Variants in PTPRN2 observed in about 807,000 individuals in gnomAD.
PTPRN2 encodes the protein protein tyrosine phosphatase receptor type N2.
PTPRN2 carries 74 observed loss-of-function variants against 118.8 expected under a neutral mutation model. The ratio of observed to expected loss-of-function variants is 0.62; its 90% CI spans 0.52 to 0.76. The LOEUF (loss-of-function observed/expected upper bound fraction) is 0.76, where lower values mean the gene tolerates loss of function less well. PTPRN2 is among the 30% of genes least tolerant of loss of function. PTPRN2 has a pLI of 0.00. For missense variants in PTPRN2, 1,481 were observed against 1,394.4 expected, an observed-to-expected ratio of 1.06 and a Z score of -0.99; for synonymous variants, 641 against 608.0, an observed-to-expected ratio of 1.05 and a Z score of -0.80.
At chr7:158,121,498 C>T (rs989756865) in intron 9 of PTPRN2, among the ~76,000 whole-genome samples, 9 of 152,220 alleles carry the variant, frequency 5.9e-5, no homozygotes, top group Admixed American at 2.6e-4. Context: ...CTGCCCCCTG[C>T]GGAGCATAAG....
chr7:157,916,751 ACGCACCCCGGCCAC>A (rs1798421271), intron 11 of PTPRN2, among the ~76,000 whole-genome samples: 1 of 150,184 alleles, frequency 6.7e-6, no homozygotes, highest in African/African-American at 2.5e-5. Context: ...GGGGCTGGCC[ACGCACCCCGGCCAC>A]TCCGGGACAC....
intron 2 of PTPRN2, among the ~76,000 whole-genome samples, chr7:158,321,935 C>T (rs34941262): frequency 6.6e-6 from 1 of 152,064 alleles, no homozygotes; most frequent in Non-Finnish European, 1.5e-5. Context: ...ATCATAAACC[C>T]TTCCGGCAAA....
chr7:157,798,246 G>A (rs557688189), intron 12 of PTPRN2, among the ~76,000 whole-genome samples: 1 of 152,260 alleles, frequency 6.6e-6, no homozygotes, highest in East Asian at 1.9e-4. Context: ...GTGACAGAGC[G>A]AGACTCAGTC....
intron 12 of PTPRN2, among the ~76,000 whole-genome samples, chr7:157,720,890 G>C (rs889557823): frequency 1.3e-5 from 2 of 152,184 alleles, no homozygotes; most frequent in Admixed American, 6.5e-5. Context: ...AACACGGGAC[G>C]CAGGAGTGTT....
At chr7:157,593,619 G>T (rs1036021809) in intron 17 of PTPRN2, among the ~76,000 whole-genome samples, 3 of 152,230 alleles carry the variant, frequency 2.0e-5, no homozygotes, top group Admixed American at 6.5e-5. Context: ...GCCGGGGTGA[G>T]CGTGCACAGC....
At chr7:157,982,272 A>T (rs1386702316) in intron 11 of PTPRN2, among the ~76,000 whole-genome samples, 1 of 52,424 alleles carries the variant, frequency 1.9e-5, no homozygotes, top group Non-Finnish European at 4.0e-5. Context: ...CATAGAGCCA[A>T]GGAGGGGAAT....
chr7:157,715,429 G>A (rs909605023), intron 12 of PTPRN2, among the ~76,000 whole-genome samples: 1 of 152,366 alleles, frequency 6.6e-6, no homozygotes, highest in East Asian at 1.9e-4. Flanking sequence ...AGGGCATGAG[G>A]AGGCTGCTGT....
At chr7:158,344,603 C>T (rs903248973) in intron 2 of PTPRN2, among the ~76,000 whole-genome samples, 38 of 152,112 alleles carry the variant, frequency 2.5e-4, no homozygotes, top group African/African-American at 9.2e-4. Context: ...ACTTTTCTAG[C>T]CCAAGAATGA....
rs1045931193 is a variant in PTPRN2 at position 157,539,188 on chromosome 7, G to A, written c.*1526C>T. The stretch of plus-strand genomic sequence containing the variant: ...TCCTATATTCAGATAAATTCATTTC[G>A]ATTAATTAAATTCCAGATAGAGAGA... On this transcript the variant is annotated 3_prime_UTR_variant, in exon 23 of 23. Transcript: ENST00000389418. 1 of 152,158 alleles carries A rather than the reference G, an allele frequency of 6.6e-6. No individual in the cohort carries two copies. Among genetic ancestry groups the A allele is most frequent in the African/African-American group, 2.4e-5 (1 of 41,418 alleles). The allele number at this position is 152,158 out of a possible 1,614,324, so 9.4% of individuals were successfully genotyped here. A position where few individuals can be genotyped will look rare whatever the true frequency, so the allele number is the denominator to read the frequency against.
intron 6 of PTPRN2, among the ~76,000 whole-genome samples, chr7:158,140,497 T>G (rs927061278): frequency 1.3e-5 from 2 of 151,810 alleles, no homozygotes; most frequent in Admixed American, 1.3e-4. Context: ...GGAGGCCACA[T>G]CCACACCAGC....
intron 11 of PTPRN2, among the ~76,000 whole-genome samples, chr7:157,911,979 A>G (rs1798130516): frequency 2.0e-5 from 3 of 152,100 alleles, no homozygotes; most frequent in African/African-American, 7.3e-5. Flanking sequence ...TATTTTTCCA[A>G]TCACTTACCC....
chr7:158,351,525 T>C (rs1480672329), intron 2 of PTPRN2, among the ~76,000 whole-genome samples: 1 of 152,184 alleles, frequency 6.6e-6, no homozygotes, highest in Non-Finnish European at 1.5e-5. Flanking sequence ...TTTTAAAGAA[T>C]GCTAAAACAT....
intron 3 of PTPRN2, among the ~76,000 whole-genome samples, chr7:158,253,723 C>G (rs1796839228): frequency 6.6e-6 from 1 of 152,222 alleles, no homozygotes; most frequent in Admixed American, 6.5e-5. Flanking sequence ...TAAAAATACT[C>G]TAATGGTGAG....
In PTPRN2 at chr7:158,534,803, C is replaced by T. The variant is rs538083433; in HGVS notation, c.113-45018G>A. The stretch of plus-strand genomic sequence containing the variant: ...TGTTTCTTGGCTCCAGGCAGCTCAT[C>T]GACAGATAACATCCTGCTAGATCAG... On this transcript the variant is annotated intron_variant, in intron 1 of 22. Transcript: ENST00000389418. 3.9e-5 allele frequency among the ~76,000 whole-genome samples: 6 copies of T among 152,144 alleles called. No homozygotes were observed. The East Asian group carries it at 9.7e-4, about 25-fold the overall frequency.
chr7:158,176,016 C>T (rs1444029100), intron 5 of PTPRN2, among the ~76,000 whole-genome samples: 3 of 151,786 alleles, frequency 2.0e-5, no homozygotes, highest in African/African-American at 7.3e-5. Context: ...GCTCTCAGCC[C>T]GCCCTGCTCC....
intron 15 of PTPRN2, among the ~76,000 whole-genome samples, chr7:157,606,824 T>G (rs1470524644): frequency 6.6e-6 from 1 of 152,148 alleles, no homozygotes; most frequent in Non-Finnish European, 1.5e-5. Context: ...GAAAACTTAG[T>G]GAGTGTTTTA....
intron 3 of PTPRN2, among the ~76,000 whole-genome samples, chr7:158,260,194 C>G (rs1797306163): frequency 6.6e-6 from 1 of 152,194 alleles, no homozygotes; most frequent in Admixed American, 6.5e-5. Flanking sequence ...GTACAGTCAC[C>G]AGGCTGCCTA....
At chr7:158,289,334 C>T (rs767223252) in intron 3 of PTPRN2, among the ~76,000 whole-genome samples, 1 of 152,116 alleles carries the variant, frequency 6.6e-6, no homozygotes, top group Non-Finnish European at 1.5e-5. Flanking sequence ...TCTCACAAAT[C>T]CCATAAGCTT....
At chr7:158,001,543 C>A (rs2128859645) in intron 11 of PTPRN2, among the ~76,000 whole-genome samples, 1 of 152,206 alleles carries the variant, frequency 6.6e-6, no homozygotes, top group South Asian at 2.1e-4. Context: ...GGGACGTGCA[C>A]AGCAGGGGGA....
Sources: allele counts gnomAD v4.1 joint callset (sites outside exome capture counted in the v4.1 genomes callset), GRCh38; gene constraint gnomAD v4.1.1; transcripts MANE v1.5; gene names NCBI Gene and HGNC (gene_info 2026-07-23, HGNC 2026-07-21).